TAB1: variants seen among roughly 807,000 people sequenced by gnomAD.
TAB1 encodes TGF-beta activated kinase 1 (MAP3K7) binding protein 1, also known as TGF-beta-activated kinase 1 and MAP3K7-binding protein 1.
A neutral mutation model predicts 54.5 loss-of-function variants in TAB1; 30 were observed. The ratio of observed to expected loss-of-function variants is 0.55; its 90% CI spans 0.41 to 0.75. The LOEUF (loss-of-function observed/expected upper bound fraction) is 0.75. Among genes scored for constraint, TAB1 ranks in the 30% least tolerant of loss-of-function variants. The pLI, the probability that TAB1 is intolerant of heterozygous loss-of-function variation, is 0.00. For missense variants in TAB1, 609 were observed against 683.2 expected (o/e 0.89, Z 1.21); for synonymous variants, 289 against 286.9 (o/e 1.01, Z -0.07).
chr22:39,436,466 A>G, downstream of TAB1: 2 of 1,596,918 alleles, frequency 1.3e-6, no homozygotes, highest in Non-Finnish European at 1.7e-6. Context: ...TTCATGTGTC[A>G]TGAAGTTTCC....
At chr22:39,408,804 C>T (rs1454272319) in intron 1 of TAB1, among the ~76,000 whole-genome samples, 2 of 152,168 alleles carry the variant, frequency 1.3e-5, no homozygotes, top group Non-Finnish European at 2.9e-5. Context: ...CCTGGCCTCA[C>T]TGGCCTTTTT....
chr22:39,434,155 C>T (rs912087062), downstream of TAB1, among the ~76,000 whole-genome samples: 5 of 152,232 alleles, frequency 3.3e-5, no homozygotes, highest in South Asian at 2.1e-4. Flanking sequence ...CTGAACACAT[C>T]GAGTGGCCAT....
rs58743204 is a variant in TAB1, at chr22:39,412,415, G to A, written c.34-2591G>A. Among the ~76,000 whole-genome samples the A allele has an allele frequency of 6.1e-3, 936 of 152,308 alleles. 12 individuals are homozygous for A. The highest frequency in any genetic ancestry group is 0.043 in the East Asian group (224 of 5,190). On this transcript the variant is annotated intron_variant, in intron 1 of 10. Transcript: ENST00000216160. ...TGCCAGGGATTAGGGGAGGGAGTGC[G>A]TTGGGAGTGGAGCTGCCCTGTATCC...
chr22:39,417,809 G>A lies in TAB1; in HGVS notation c.510G>A (p.Val170=). 1 of 1,613,052 alleles carries A rather than the reference G, an allele frequency of 6.2e-7. No homozygotes were observed. Among genetic ancestry groups the A allele is most frequent in the Non-Finnish European group, 8.5e-7 (1 of 1,179,534 alleles). The change falls in exon 5 of 11, where the codon GTG becomes GTA. Residue 170 remains valine, a synonymous_variant. Transcript: ENST00000216160. ...TTTCGGGAGGGGCCATGGCCGTTGT[G>A]GCGGTCCTTCTCAACAACAAGCTCT... ...REISGGAMAV[V]AVLLNNKLYV... is the part of the protein sequence containing the mutation.
intron 1 of TAB1, among the ~76,000 whole-genome samples, chr22:39,400,239 A>G (rs902370523): frequency 6.6e-6 from 1 of 152,158 alleles, no homozygotes; most frequent in Non-Finnish European, 1.5e-5. Flanking sequence ...ATTGCTTTAC[A>G]TTTGTCAGTT....
chr22:39,429,423 G>A, intron 10 of TAB1: 1 of 941,994 alleles, frequency 1.1e-6, no homozygotes, highest in Non-Finnish European at 1.3e-6. Flanking sequence ...GTGCTGTCCT[G>A]TCACGGCGTC....
intron 1 of TAB1, among the ~76,000 whole-genome samples, chr22:39,404,170 A>C (rs1402473996): frequency 6.6e-6 from 1 of 152,238 alleles, no homozygotes; most frequent in Non-Finnish European, 1.5e-5. Flanking sequence ...AAGGACTCTT[A>C]AGGTTTTGGT....
chr22:39,421,782 C>T (rs373349268), intron 7 of TAB1, 45 bp from the exon 8 acceptor site: 116 of 1,608,684 alleles, frequency 7.2e-5, no homozygotes, highest in African/African-American at 8.0e-5. Flanking sequence ...CATCCACCTG[C>T]GGGCTGTTCC....
At chr22:39,400,508 G>A (rs568707299) in intron 1 of TAB1, among the ~76,000 whole-genome samples, 1 of 152,328 alleles carries the variant, frequency 6.6e-6, no homozygotes, top group African/African-American at 2.4e-5. Flanking sequence ...TAAGGCGAGA[G>A]CGCTGAGTGG....
chr22:39,415,210 G>A lies in TAB1; in HGVS notation c.170+68G>A, dbSNP rs1380344103. Reference sequence around the variant, plus strand: ...TGGTTTGCAAGCAAGGAAAGACACCGACCTTGCAGCTTTCTCGTATGGGCT... The same window carrying A: ...TGGTTTGCAAGCAAGGAAAGACACCAACCTTGCAGCTTTCTCGTATGGGCT... On this transcript the variant is annotated intron_variant, in intron 2 of 10. Coordinates refer to ENST00000216160, the MANE Select transcript of TAB1 (RefSeq NM_006116.3). This position sits in a 1 kb window ranked among gnomAD's most constrained non-coding sequence, Gnocchi z 4.9. The A allele has an allele frequency of 4.0e-6, 6 of 1,507,380 alleles. No individual in the cohort carries two copies. In the South Asian group the frequency reaches 6.6e-5, roughly 16 times the overall value. 93.4% of individuals were successfully genotyped at this position (1,507,380 alleles called of 1,614,324 possible). A position where few individuals can be genotyped will look rare whatever the true frequency, so the allele number is the denominator to read the frequency against.
downstream of TAB1, chr22:39,433,056 A>G (rs1053282185): frequency 1.0e-5 from 10 of 985,306 alleles, no homozygotes; most frequent in Non-Finnish European, 1.1e-5. Context: ...GGCCCTCTCC[A>G]GCCTGTCTGC....
downstream of TAB1, chr22:39,433,700 G>T: frequency 2.0e-6 from 2 of 985,422 alleles, no homozygotes; most frequent in Non-Finnish European, 2.4e-6. Flanking sequence ...CACGATGCCC[G>T]TGTCGGGATG....
intron 6 of TAB1, among the ~76,000 whole-genome samples, chr22:39,419,051 A>T (rs1407177175): frequency 6.6e-6 from 1 of 152,232 alleles, no homozygotes; most frequent in Non-Finnish European, 1.5e-5. Context: ...CCGCTGTGTA[A>T]TGAGGATAAT....
intron 1 of TAB1, among the ~76,000 whole-genome samples, chr22:39,404,822 T>C (rs547185970): frequency 6.6e-6 from 1 of 152,158 alleles, no homozygotes; most frequent in Non-Finnish European, 1.5e-5. Context: ...AGGAGCTCTT[T>C]AGGATGACGA....
chr22:39,400,046 C>T (rs1926064631), intron 1 of TAB1, among the ~76,000 whole-genome samples: 1 of 152,112 alleles, frequency 6.6e-6, no homozygotes, highest in Non-Finnish European at 1.5e-5. Flanking sequence ...TCAAGGGCGC[C>T]GGGGCTGTGG....
intron 1 of TAB1, among the ~76,000 whole-genome samples, chr22:39,411,894 AAG>A (rs377146916): frequency 6.6e-6 from 1 of 152,122 alleles, no homozygotes; most frequent in Admixed American, 6.5e-5. Context: ...TACTCTATGA[AAG>A]AGAGAGAGAG....
chr22:39,430,909 C>T lies in TAB1; in HGVS notation c.*687C>T. 1 of 987,326 alleles carries T rather than the reference C, an allele frequency of 1.0e-6. No individual in the cohort carries two copies. The highest frequency in any genetic ancestry group is 1.2e-6 in the Non-Finnish European group (1 of 831,206). 61.2% of individuals were successfully genotyped at this position (987,326 alleles called of 1,614,324 possible). A position where few individuals can be genotyped will look rare whatever the true frequency, so the allele number is the denominator to read the frequency against. On this transcript the variant is annotated 3_prime_UTR_variant, in exon 11 of 11. Coordinates refer to ENST00000216160, the MANE Select transcript of TAB1 (RefSeq NM_006116.3). ...TGCCAGAGGATGGCGGCCTGGGCTT[C>T]CCCAGAGCCAGGCGTGCGGGAGAGG...
intron 1 of TAB1, among the ~76,000 whole-genome samples, chr22:39,409,962 T>C (rs1055865124): frequency 1.3e-5 from 2 of 152,350 alleles, no homozygotes; most frequent in Middle Eastern, 6.8e-3. Flanking sequence ...ATGTATGTAG[T>C]GATTTAATGT....
At chr22:39,428,357 C>T (rs767708548) in intron 10 of TAB1, among the ~76,000 whole-genome samples, 174 bp downstream of exon 10, 6 of 152,186 alleles carry the variant, frequency 3.9e-5, no homozygotes, top group Admixed American at 6.5e-5. Flanking sequence ...GAGGCAGGTG[C>T]GATTTTTGGT....
Sources: allele counts gnomAD v4.1 joint callset (sites outside exome capture counted in the v4.1 genomes callset), GRCh38; gene constraint gnomAD v4.1.1; non-coding constraint Gnocchi (gnomAD v3.1); transcripts MANE v1.5; gene names NCBI Gene and HGNC (gene_info 2026-07-23, HGNC 2026-07-21).